METTL15: variants seen among roughly 807,000 people sequenced by gnomAD.
METTL15 encodes the protein methyltransferase 15, mitochondrial 12S rRNA N4-cytidine, also known as 12S rRNA N(4)-cytidine methyltransferase METTL15.
Under a neutral mutation model 38.3 loss-of-function variants are expected in METTL15, and 34 were observed. The ratio of observed to expected loss-of-function variants is 0.89; its 90% CI spans 0.68 to 1.18. The LOEUF is 1.18. Among genes scored for constraint, METTL15 ranks in the 50% most tolerant of loss-of-function variants. The probability of loss-of-function intolerance (pLI) is 0.00; values close to 1 mark genes in which losing one functional copy is unlikely to be tolerated. For synonymous variants in METTL15, 162 were observed against 170.9 expected (o/e 0.95, Z 0.41); for missense variants, 438 against 498.4 (o/e 0.88, Z 1.15).
intron 4 of METTL15, among the ~76,000 whole-genome samples, chr11:28,266,515 C>G (rs1201576247): frequency 4.6e-5 from 7 of 152,180 alleles, no homozygotes; most frequent in Admixed American, 2.0e-4. Flanking sequence ...TCACCTGAAA[C>G]CTGCTATACT....
chr11:28,508,924 G>A (rs1257831243), intron 6 of METTL15, among the ~76,000 whole-genome samples: 2 of 152,262 alleles, frequency 1.3e-5, no homozygotes, highest in Non-Finnish European at 2.9e-5. Context: ...AGGCCAAGAT[G>A]GGCATGGCAT....
chr11:28,155,485 A>C (rs117923237), intron 3 of METTL15, among the ~76,000 whole-genome samples: 1 of 152,310 alleles, frequency 6.6e-6, no homozygotes, highest in Non-Finnish European at 1.5e-5. Flanking sequence ...TAACTTTGTT[A>C]GAATTCACTG....
chr11:28,335,395 T>C (rs1406885740), downstream of METTL15, among the ~76,000 whole-genome samples: 12 of 152,232 alleles, frequency 7.9e-5, no homozygotes, highest in Non-Finnish European at 1.2e-4. Context: ...TCTTGAATTC[T>C]CATTTGTTTC....
intron 4 of METTL15, among the ~76,000 whole-genome samples, chr11:28,246,382 T>C (rs922918407): frequency 3.3e-5 from 5 of 152,158 alleles, no homozygotes; most frequent in Non-Finnish European, 7.4e-5. Flanking sequence ...TTAAGACATA[T>C]GTACTTATTA....
intron 5 of METTL15, among the ~76,000 whole-genome samples, chr11:28,402,979 T>TCC (rs1471372372): frequency 1.3e-5 from 2 of 151,996 alleles, no homozygotes; most frequent in East Asian, 3.9e-4. Context: ...CAGAGTGGCC[T>TCC]CCAGTCCCAT....
At chr11:28,297,023 GT>G in intron 6 of METTL15, 92 bp downstream of exon 6, 1 of 1,295,916 alleles carries the variant, frequency 7.7e-7, no homozygotes, top group Non-Finnish European at 1.1e-6. Flanking sequence ...GCACATGTGT[GT>G]GTGCATTAAT....
intron 5 of METTL15, among the ~76,000 whole-genome samples, chr11:28,381,418 T>G (rs539727466): frequency 4.7e-4 from 72 of 152,314 alleles, no homozygotes; most frequent in African/African-American, 1.6e-3. Flanking sequence ...TTTTGTAGTC[T>G]TTCTAATTAT....
At chr11:28,111,505 T>C (rs1851717526) in intron 2 of METTL15, among the ~76,000 whole-genome samples, 1 of 152,218 alleles carries the variant, frequency 6.6e-6, no homozygotes, top group Non-Finnish European at 1.5e-5. Context: ...ATAAAATGAA[T>C]CTATGAGATA....
At chr11:28,268,610 G>A (rs986349812) in intron 4 of METTL15, among the ~76,000 whole-genome samples, 12 of 152,058 alleles carry the variant, frequency 7.9e-5, no homozygotes, top group African/African-American at 2.9e-4. Context: ...CAACTTAACA[G>A]TTTCAAGTCT....
At chr11:28,173,091 A>G (rs1244776349) in intron 3 of METTL15, among the ~76,000 whole-genome samples, 1 of 152,178 alleles carries the variant, frequency 6.6e-6, no homozygotes, top group Non-Finnish European at 1.5e-5. Context: ...ATTTTTTAAA[A>G]AAAGAGACAA....
At chr11:28,120,670 GA>G (rs1280648985) in intron 3 of METTL15, among the ~76,000 whole-genome samples, 1 of 152,006 alleles carries the variant, frequency 6.6e-6, no homozygotes, top group Non-Finnish European at 1.5e-5. Flanking sequence ...TATCAATCAC[GA>G]TGCAGTTTTC....
intron 5 of METTL15, among the ~76,000 whole-genome samples, chr11:28,396,418 G>A (rs1485662695): frequency 7.2e-5 from 11 of 152,152 alleles, no homozygotes; most frequent in Admixed American, 3.3e-4. Context: ...AAATCAATGT[G>A]CAAAAATCAC....
intron 5 of METTL15, among the ~76,000 whole-genome samples, chr11:28,380,313 A>C (rs4923531): frequency 0.42 from 64,178 of 151,510 alleles, 14,980 homozygotes; most frequent in Admixed American, 0.54. Context: ...GACTACAGGC[A>C]CCTGCCATCA....
intron 5 of METTL15, among the ~76,000 whole-genome samples, chr11:28,414,708 A>G (rs1850758594): frequency 6.6e-6 from 1 of 152,226 alleles, no homozygotes; most frequent in African/African-American, 2.4e-5. Context: ...GAAACTAGAC[A>G]AATCTTTTGA....
intron 6 of METTL15, among the ~76,000 whole-genome samples, chr11:28,305,061 C>G: frequency 6.6e-6 from 1 of 152,138 alleles, no homozygotes; most frequent in East Asian, 1.9e-4. Context: ...CGAACTCAAT[C>G]TATTACACAC....
chr11:28,276,956 A>G (rs1035096768), intron 4 of METTL15, among the ~76,000 whole-genome samples: 1 of 152,204 alleles, frequency 6.6e-6, no homozygotes, highest in African/African-American at 2.4e-5. Context: ...AAACTATTAA[A>G]AAGGCTAGAA....
Position 28,330,390 on chromosome 11 carries a change from T to C in METTL15, c.779-6T>C. On this transcript the variant is annotated splice_polypyrimidine_tract_variant and splice_region_variant and intron_variant, in intron 6 of 6. Transcript: ENST00000407364. ...TCTTTTCCTATCTTTACAACATTTG[T>C]TTTAGGAGCATTTCCTCCCTCTGCT... 1 of 1,532,498 alleles carries C rather than the reference T, an allele frequency of 6.5e-7. No individual in the cohort carries two copies. Among genetic ancestry groups the C allele is most frequent in the African/African-American group, 1.4e-5 (1 of 72,068 alleles). 94.9% of individuals were successfully genotyped at this position (1,532,498 alleles called of 1,614,324 possible).
intron 4 of METTL15, among the ~76,000 whole-genome samples, chr11:28,241,153 G>A (rs1171526097): frequency 1.3e-5 from 2 of 152,116 alleles, no homozygotes; most frequent in African/African-American, 2.4e-5. Flanking sequence ...CTGCCACCAT[G>A]GGAGTTAACT....
At chr11:28,277,265 G>C (rs561698933) in intron 4 of METTL15, among the ~76,000 whole-genome samples, 1 of 152,082 alleles carries the variant, frequency 6.6e-6, no homozygotes, top group Non-Finnish European at 1.5e-5. Flanking sequence ...GTGTATCAAA[G>C]GGATACATGT....
Sources: gnomAD v4.1 joint callset for allele counts (sites outside exome capture counted in the v4.1 genomes callset) on GRCh38, gnomAD v4.1.1 for gene constraint, MANE v1.5 for transcripts, NCBI Gene and HGNC (gene_info 2026-07-23, HGNC 2026-07-21) for gene names.